PSMA8: variants seen among roughly 807,000 people sequenced by gnomAD.
PSMA8 encodes the protein proteasome 20S subunit alpha 8, also known as proteasome subunit alpha-type 8.
A neutral mutation model predicts 32.4 loss-of-function variants in PSMA8; 18 were observed. That is an observed-to-expected ratio of 0.56 (90% CI 0.38 to 0.82). The LOEUF is 0.82. Among genes scored for constraint, PSMA8 ranks in the 40% least tolerant of loss-of-function variants. The pLI is 0.00. For missense variants in PSMA8, 298 were observed against 300.7 expected, an observed-to-expected ratio of 0.99 and a Z score of 0.07; for synonymous variants, 104 against 98.1, an observed-to-expected ratio of 1.06 and a Z score of -0.36.
chr18:26,171,940 A>G (rs1157616532), intron 4 of PSMA8, among the ~76,000 whole-genome samples: 1 of 152,170 alleles, frequency 6.6e-6, no homozygotes, highest in Non-Finnish European at 1.5e-5. Context: ...GATTCCCTTT[A>G]TCCTCAAGAC....
intron 2 of PSMA8, 130 bp from the exon 3 acceptor site, chr18:26,151,727 TA>T: frequency 1.4e-6 from 1 of 713,178 alleles, no homozygotes; most frequent in Non-Finnish European, 2.1e-6. Flanking sequence ...ACAAGTCTTT[TA>T]AAATGAGCAT....
chr18:26,159,434 A>T (rs1445759993), intron 4 of PSMA8, among the ~76,000 whole-genome samples: 1 of 151,986 alleles, frequency 6.6e-6, no homozygotes, highest in East Asian at 1.9e-4. Flanking sequence ...ATATCAGACC[A>T]TTTTTTCCTG....
intron 6 of PSMA8, 100 bp downstream of exon 6, chr18:26,179,230 C>T (rs1272185316): frequency 5.2e-6 from 4 of 774,048 alleles, no homozygotes; most frequent in Middle Eastern, 7.8e-4. Context: ...TAATGTTATC[C>T]TTCATTAATG....
At position 26,144,490 on chromosome 18, in the gene PSMA8, T is replaced by C. The variant is rs895852430; in HGVS notation, c.103-69T>C. On this transcript the variant is annotated intron_variant, in intron 1 of 6. Coordinates refer to ENST00000415576, the MANE Select transcript of PSMA8 (RefSeq NM_001025096.2). ...GAGAAGTCATTTCCCCTAAGTCATA[T>C]GTTAGAATAACTTGGTTTTATATTT... 958 of 1,314,678 alleles carry C rather than the reference T, an allele frequency of 7.3e-4. 3 individuals carry two copies. The highest frequency in any genetic ancestry group is 4.3e-4 in the Non-Finnish European group (401 of 922,530). The allele number at this position is 1,314,678 out of a possible 1,614,324, so 81.4% of individuals were successfully genotyped here. A position where few individuals can be genotyped will look rare whatever the true frequency, so the allele number is the denominator to read the frequency against.
At chr18:26,186,488 T>G (rs1302313469) in intron 6 of PSMA8, among the ~76,000 whole-genome samples, 1 of 152,204 alleles carries the variant, frequency 6.6e-6, no homozygotes, top group African/African-American at 2.4e-5. Flanking sequence ...ATTTGATGCC[T>G]CTACCCCTTA....
chr18:26,179,566 A>G (rs1310408174), intron 6 of PSMA8, among the ~76,000 whole-genome samples: 2 of 152,190 alleles, frequency 1.3e-5, no homozygotes. Context: ...TATTATATGT[A>G]TAACGTCTGT....
Position 26,144,562 on chromosome 18 carries a change from G to T in PSMA8, c.106G>T (p.Gly36Ter), listed in dbSNP as rs773641441. The change falls in exon 2 of 7, where the codon GGA (glycine) becomes TGA (stop). Residue 36 changes from glycine to a stop codon, truncating the protein, a stop_gained. Coordinates refer to ENST00000415576, the MANE Select transcript of PSMA8 (RefSeq NM_001025096.2). LOFTEE classifies it high-confidence loss of function. ...EAVKKGSTAV[G>*]IRGTNIVVLG... Reference sequence around the variant, plus strand: ...ATGTATTTTAATGACTTGACAGGTCGGAATTCGAGGTACCAATATAGTTGT... The same window carrying T: ...ATGTATTTTAATGACTTGACAGGTCTGAATTCGAGGTACCAATATAGTTGT... The T allele has an allele frequency of 6.2e-7, 1 of 1,611,512 alleles. No individual in the cohort carries two copies. The highest frequency in any genetic ancestry group is 1.1e-5 in the South Asian group (1 of 90,860).
chr18:26,179,151 G>T (rs760737822), intron 6 of PSMA8, 21 bp downstream of exon 6: 48 of 1,579,456 alleles, frequency 3.0e-5, no homozygotes, highest in Non-Finnish European at 3.0e-5. Context: ...AACCAAAGAG[G>T]AAAAAGTATC....
At chr18:26,178,974 C>A in intron 5 of PSMA8, 25 bp downstream of exon 5, 1 of 1,606,040 alleles carries the variant, frequency 6.2e-7, no homozygotes, top group South Asian at 1.1e-5. Flanking sequence ...AAAGCATATT[C>A]AGGAAATCAT....
At chr18:26,153,375 AT>A (rs1443787191) in intron 3 of PSMA8, among the ~76,000 whole-genome samples, 6 of 152,156 alleles carry the variant, frequency 3.9e-5, no homozygotes, top group African/African-American at 1.4e-4. Context: ...GAGATTAAAA[AT>A]TGTAATTGGT....
chr18:26,192,219 T>C (rs1481366095), intron 6 of PSMA8, 100 bp from the exon 7 acceptor site: 1 of 1,029,258 alleles, frequency 9.7e-7, no homozygotes, highest in African/African-American at 1.7e-5. Flanking sequence ...AAGTTGTACA[T>C]AGAAAGTATA....
intron 6 of PSMA8, among the ~76,000 whole-genome samples, chr18:26,179,948 TA>T (rs35112719): frequency 0.16 from 22,135 of 134,216 alleles, 2,056 homozygotes; most frequent in East Asian, 0.27. Context: ...AAAATTAAAT[TA>T]AAAAAAAAAA....
In PSMA8 at chr18:26,186,333, A is replaced by G. The variant is rs145998406; in HGVS notation, c.661-5986A>G. Among the ~76,000 whole-genome samples, 100 of 149,278 alleles carry G rather than the reference A, an allele frequency of 6.7e-4. 1 individual carries two copies. The East Asian group carries it at 0.018, about 26-fold the overall frequency. ...TCAAATTCCAGCTCTACCATTTCCC[A>G]GTGTAAACAAATTACTTCTCTGTTT... On this transcript the variant is annotated intron_variant, in intron 6 of 6. Transcript: ENST00000415576.
At chr18:26,143,047 G>C (rs140005604) in intron 1 of PSMA8, among the ~76,000 whole-genome samples, 1 of 152,012 alleles carries the variant, frequency 6.6e-6, no homozygotes, top group African/African-American at 2.4e-5. Context: ...TAGTACTGCC[G>C]CCTTTATAAA....
chr18:26,175,424 C>G (rs1405486833), intron 4 of PSMA8, among the ~76,000 whole-genome samples: 1 of 152,168 alleles, frequency 6.6e-6, no homozygotes, highest in East Asian at 1.9e-4. Context: ...ATGGAGTGCT[C>G]TGGATCTGTA....
rs900954864 is a variant in PSMA8, at chr18:26,185,567, C to A, written c.660+6437C>A. Among the ~76,000 whole-genome samples the A allele has an allele frequency of 6.6e-5, 10 of 150,844 alleles. 2 individuals carry two copies. The highest frequency in any genetic ancestry group is 2.4e-4 in the African/African-American group (10 of 40,866). On this transcript the variant is annotated intron_variant, in intron 6 of 6. Coordinates refer to ENST00000415576, the MANE Select transcript of PSMA8 (RefSeq NM_001025096.2). ...CCTTCCCTTCAATCTGATTGGAAGA[C>A]TGAAGACATCCTTAGAACAGTCTCT...
At position 26,179,092 on chromosome 18, in the gene PSMA8, A is replaced by G; in HGVS notation, c.622A>G (p.Ile208Val). 1 of 1,613,234 alleles carries G rather than the reference A, an allele frequency of 6.2e-7. No individual in the cohort carries two copies. The highest frequency in any genetic ancestry group is 8.5e-7 in the Non-Finnish European group (1 of 1,179,494). The change falls in exon 6 of 7, where the codon ATT becomes GTT. Residue 208 changes from isoleucine (I) to valine (V), a missense_variant. Transcript: ENST00000415576. ...LEVVQSGGKN[I>V]ELAIIRRNQP... ...GGTTGTCCAGTCTGGTGGAAAAAAC[A>G]TTGAACTTGCTATAATAAGAAGAAA...
chr18:26,144,479 C>G (rs994221566), intron 1 of PSMA8, 80 bp from the exon 2 acceptor site: 1 of 1,208,858 alleles, frequency 8.3e-7, no homozygotes, highest in Non-Finnish European at 1.2e-6. Flanking sequence ...AGTCATTTCC[C>G]CTAAGTCATA....
At chr18:26,137,133 T>A (rs925745623) in intron 1 of PSMA8, among the ~76,000 whole-genome samples, 3 of 152,198 alleles carry the variant, frequency 2.0e-5, no homozygotes, top group African/African-American at 7.2e-5. Flanking sequence ...TCACTAAGCT[T>A]CAGTTTCTGT....
Sources: gnomAD v4.1 joint callset for allele counts (sites outside exome capture counted in the v4.1 genomes callset) on GRCh38, gnomAD v4.1.1 for gene constraint, MANE v1.5 for transcripts, NCBI Gene and HGNC (gene_info 2026-07-23, HGNC 2026-07-21) for gene names.